Variants in NRXN1 observed in about 807,000 individuals in gnomAD.
NRXN1 encodes neurexin-1.
A neutral mutation model predicts 150.9 loss-of-function variants in NRXN1; 39 were observed. The ratio of observed to expected loss-of-function variants is 0.26; its 90% CI spans 0.20 to 0.34. The LOEUF is 0.34. Ranked by LOEUF, NRXN1 falls within the 10% of genes least tolerant of loss-of-function variation. The pLI is 1.00. For synonymous variants in NRXN1, 924 were observed against 757.0 expected (o/e 1.22, Z -3.62); for missense variants, 1,815 against 1,949.9 (o/e 0.93, Z 1.30).
chr2:50,935,644 T>C (rs898322008), intron 2 of NRXN1, among the ~76,000 whole-genome samples: 11 of 151,990 alleles, frequency 7.2e-5, no homozygotes, highest in Non-Finnish European at 1.5e-5. Context: ...GGATAATCAC[T>C]TGAATCTGGG....
chr2:50,685,824 C>T (rs755114161), intron 5 of NRXN1, among the ~76,000 whole-genome samples: 1 of 152,136 alleles, frequency 6.6e-6, no homozygotes, highest in African/African-American at 2.4e-5. Flanking sequence ...GTCTCATTTG[C>T]ACCTGGAAAA....
At chr2:50,018,643 T>G (rs780141266) in intron 21 of NRXN1, among the ~76,000 whole-genome samples, 23 of 152,348 alleles carry the variant, frequency 1.5e-4, no homozygotes, top group Non-Finnish European at 2.9e-4. Flanking sequence ...TTCTAAAATT[T>G]AGACTGCTGA....
intron 5 of NRXN1, among the ~76,000 whole-genome samples, chr2:50,814,713 C>T (rs1668683331): frequency 1.3e-5 from 2 of 151,936 alleles, no homozygotes; most frequent in African/African-American, 2.4e-5. Context: ...TAATTAAATC[C>T]CCCCACAAAA....
At chr2:49,944,109 A>G (rs1672477786) in intron 21 of NRXN1, among the ~76,000 whole-genome samples, 1 of 152,216 alleles carries the variant, frequency 6.6e-6, no homozygotes, top group Admixed American at 6.5e-5. Context: ...GAAACAGATG[A>G]TTTGAAATTT....
intron 18 of NRXN1, among the ~76,000 whole-genome samples, chr2:50,225,448 C>T (rs505449): frequency 0.43 from 65,549 of 151,582 alleles, 14,403 homozygotes; most frequent in African/African-American, 0.47. Flanking sequence ...TAATGGGCTA[C>T]AAGGACATAT....
rs72887514 is a variant in NRXN1 at position 50,681,385 on chromosome 2, A to G, written c.833-57770T>C. 4.4e-3 allele frequency among the ~76,000 whole-genome samples: 667 copies of G among 152,246 alleles called. 9 individuals are homozygous for G. Among genetic ancestry groups the G allele is most frequent in the African/African-American group, 0.015 (620 of 41,556 alleles). Reference sequence around the variant, plus strand: ...TCTAAATCTTCAAATAAACAAAATAATTTGCAATCTGTGTCTTATGCTTCT... The same window carrying G: ...TCTAAATCTTCAAATAAACAAAATAGTTTGCAATCTGTGTCTTATGCTTCT... On this transcript the variant is annotated intron_variant, in intron 5 of 22. Coordinates refer to ENST00000401669, the MANE Select transcript of NRXN1 (RefSeq NM_001330078.2).
chr2:50,611,628 A>G (rs1678151482), intron 8 of NRXN1, among the ~76,000 whole-genome samples: 1 of 152,222 alleles, frequency 6.6e-6, no homozygotes, highest in South Asian at 2.1e-4. Flanking sequence ...TTAGCAATGT[A>G]TAGAGCCAAT....
chr2:51,019,571 G>C (rs1301289939), intron 2 of NRXN1, among the ~76,000 whole-genome samples: 1 of 151,986 alleles, frequency 6.6e-6, no homozygotes, highest in Non-Finnish European at 1.5e-5. Context: ...AATACTATGA[G>C]AGTTATGGTT....
At position 50,623,318 on chromosome 2, in the gene NRXN1, C is replaced by T. The variant is rs777800586; in HGVS notation, c.1130G>A (p.Arg377His). The change falls in exon 6 of 23, where the codon CGT becomes CAT. Residue 377 changes from arginine (R) to histidine (H), a missense_variant. Coordinates refer to ENST00000401669, the MANE Select transcript of NRXN1 (RefSeq NM_001330078.2). ...WHDVKVTRNLRQHSGIGHAMV... is the reference protein window; with the variant it reads ...WHDVKVTRNLHQHSGIGHAMV... Reference sequence around the variant, plus strand: ...TCTTATCCACTGCGCTGTTACCTGACGCAGATTCCTGGTGACTTTCACATC... The same window carrying T: ...TCTTATCCACTGCGCTGTTACCTGATGCAGATTCCTGGTGACTTTCACATC... The T allele has an allele frequency of 5.0e-6, 8 of 1,611,774 alleles. No homozygotes were observed. Among genetic ancestry groups the T allele is most frequent in the Middle Eastern group, 3.3e-4 (2 of 6,068 alleles).
At chr2:50,508,860 G>C (rs17536077) in intron 12 of NRXN1, among the ~76,000 whole-genome samples, 49,155 of 152,018 alleles carry the variant, frequency 0.32, 9,004 homozygotes, top group Middle Eastern at 0.5. Context: ...ATTGATTTTA[G>C]AAGATAAGGT....
At chr2:50,834,124 T>G (rs1163727883) in intron 5 of NRXN1, among the ~76,000 whole-genome samples, 2 of 152,162 alleles carry the variant, frequency 1.3e-5, no homozygotes, top group Non-Finnish European at 2.9e-5. Context: ...TATTATTTAT[T>G]GAGATCACTG....
intron 17 of NRXN1, among the ~76,000 whole-genome samples, chr2:50,442,736 G>C (rs1037422695): frequency 1.3e-5 from 2 of 152,128 alleles, no homozygotes; most frequent in Non-Finnish European, 2.9e-5. Context: ...GGGATATTAA[G>C]TGAGGAGACT....
At chr2:50,174,098 G>A (rs1276532433) in intron 18 of NRXN1, among the ~76,000 whole-genome samples, 1 of 152,000 alleles carries the variant, frequency 6.6e-6, no homozygotes, top group Non-Finnish European at 1.5e-5. Context: ...TCTCTAAATT[G>A]GCCTTCTGAT....
intron 5 of NRXN1, among the ~76,000 whole-genome samples, chr2:50,868,531 G>A (rs1574769084): frequency 6.6e-6 from 1 of 151,624 alleles, no homozygotes; most frequent in South Asian, 2.1e-4. Flanking sequence ...TACCAAAACT[G>A]CACTTGTGTT....
At chr2:50,781,910 A>G (rs1704404866) in intron 5 of NRXN1, among the ~76,000 whole-genome samples, 1 of 152,168 alleles carries the variant, frequency 6.6e-6, no homozygotes. Context: ...CTCCATCCTC[A>G]CAGAACTAGT....
At chr2:50,142,614 C>T (rs1707440865) in intron 18 of NRXN1, among the ~76,000 whole-genome samples, 1 of 151,536 alleles carries the variant, frequency 6.6e-6, no homozygotes, top group African/African-American at 2.4e-5. Flanking sequence ...TTAAAAAAAT[C>T]AAACCATGAA....
intron 5 of NRXN1, among the ~76,000 whole-genome samples, chr2:50,685,009 G>A (rs971027535): frequency 6.6e-6 from 1 of 152,020 alleles, no homozygotes; most frequent in African/African-American, 2.4e-5. Context: ...GTAGTCAAAT[G>A]GAATATTCAG....
At chr2:50,548,421 G>A (rs550803476) in intron 9 of NRXN1, among the ~76,000 whole-genome samples, 1 of 151,982 alleles carries the variant, frequency 6.6e-6, no homozygotes, top group African/African-American at 2.4e-5. Flanking sequence ...CATATAAACT[G>A]CTTTCAGAAA....
At chr2:50,910,114 A>G (rs1255338752) in intron 5 of NRXN1, among the ~76,000 whole-genome samples, 1 of 151,874 alleles carries the variant, frequency 6.6e-6, no homozygotes, top group Admixed American at 6.6e-5. Context: ...GCCCCCTTCC[A>G]TTTTACTTCC....
Sources: allele counts gnomAD v4.1 joint callset (sites outside exome capture counted in the v4.1 genomes callset), GRCh38; gene constraint gnomAD v4.1.1; transcripts MANE v1.5; gene names NCBI Gene and HGNC (gene_info 2026-07-23, HGNC 2026-07-21).